Variants in NBPF19 observed in about 807,000 individuals in gnomAD.
NBPF19 encodes NBPF family member NBPF19.
NBPF19 carries 30 observed loss-of-function variants against 45.9 expected under a neutral mutation model. The observed-to-expected ratio is 0.65, with a 90% CI of 0.49 to 0.89. NBPF19 has a LOEUF of 0.89. NBPF19 is among the 40% of genes least tolerant of loss of function. The pLI is 0.00. For synonymous variants in NBPF19, 183 were observed against 181.2 expected (o/e 1.01, Z -0.08); for missense variants, 495 against 471.8 (o/e 1.05, Z -0.46).
In NBPF19 at chr1:149,554,666, C is replaced by A. The variant is rs1453506857; in HGVS notation, c.11460C>A (p.Asp3820Glu). ...EEHISFALYLDNRFFTLTVTS... is the reference protein window; with the variant it reads ...EEHISFALYLENRFFTLTVTS... ...ATATCAGCTTCGCCCTTTACTTGGACAATAGGTTTTTTACTTTGACGGTGA... is the reference window on the plus strand; with the variant it reads ...ATATCAGCTTCGCCCTTTACTTGGAAAATAGGTTTTTTACTTTGACGGTGA... The change falls in exon 94 of 94, where the codon GAC becomes GAA. Residue 3820 changes from aspartate to glutamate, a missense_variant. Transcript: ENST00000651566. The A allele has an allele frequency of 2.5e-6, 4 of 1,608,258 alleles. No homozygotes were observed. The highest frequency in any genetic ancestry group is 3.4e-6 in the Non-Finnish European group (4 of 1,176,714).
In NBPF19 at chr1:149,554,782, C is replaced by G. The variant is rs1240063958; in HGVS notation, c.*44C>G. 1.2e-6 allele frequency: 2 copies of G among 1,606,350 alleles called. No homozygotes were observed. The highest frequency in any genetic ancestry group is 2.2e-5 in the East Asian group (1 of 44,842). On this transcript the variant is annotated 3_prime_UTR_variant, in exon 94 of 94. Transcript: ENST00000651566. ...AGAGATGTCATTCCTGCAGGCAGGA[C>G]CTATAGGCACGTGAAGATTTGAATG...
intron 92 of NBPF19, 43 bp from the exon 93 acceptor site, chr1:149,553,731 G>C: frequency 7.5e-5 from 7 of 92,802 alleles, no homozygotes; most frequent in Admixed American, 2.5e-4. Flanking sequence ...TGTGTGTAGG[G>C]GAATCAGCTT....
At position 149,488,193 on chromosome 1, in the gene NBPF19, C is replaced by T; in HGVS notation, c.1213+8C>T. 3.2e-6 allele frequency: 2 copies of T among 627,746 alleles called. No homozygotes were observed. Among genetic ancestry groups the T allele is most frequent in the South Asian group, 3.6e-5 (2 of 55,162 alleles). 38.9% of individuals were successfully genotyped at this position (627,746 alleles called of 1,614,324 possible). A position where few individuals can be genotyped will look rare whatever the true frequency, so the allele number is the denominator to read the frequency against. ...TGGCTATTGACATGGATGGTGAGTA[C>T]CTTTCTATGAAGGTGATAAGGATCC... On this transcript the variant is annotated splice_region_variant and intron_variant, in intron 10 of 93. Coordinates refer to ENST00000651566, the MANE Select transcript of NBPF19 (RefSeq NM_001351365.2).
Position 149,554,609 on chromosome 1 carries a change from C to A in NBPF19, c.11403C>A (p.Tyr3801Ter). 1 of 1,608,334 alleles carries A rather than the reference C, an allele frequency of 6.2e-7. No individual in the cohort carries two copies. Among genetic ancestry groups the A allele is most frequent in the South Asian group, 1.1e-5 (1 of 90,890 alleles). ...YFELPDSFQHYRSVFYSFEEE... is the reference protein window; with the variant it reads ...YFELPDSFQH Reference sequence around the variant, plus strand: ...AACTACCTGACTCATTCCAGCACTACAGAAGTGTGTTTTACTCATTTGAGG... The same window carrying A: ...AACTACCTGACTCATTCCAGCACTAAAGAAGTGTGTTTTACTCATTTGAGG... The change falls in exon 94 of 94, where the codon TAC (tyrosine) becomes TAA (stop). Residue 3801 changes from tyrosine (Y) to a stop codon, truncating the protein, a stop_gained. Coordinates refer to ENST00000651566, the MANE Select transcript of NBPF19 (RefSeq NM_001351365.2). LOFTEE classifies it low-confidence loss of function (END_TRUNC).
In NBPF19 at chr1:149,554,925, G is replaced by C. The variant is rs1228951078; in HGVS notation, c.*187G>C. ...CTCAGTCTGAAGACAATGGACCCAC[G>C]TTAGGTGTGACACGTTCACATAACT... On this transcript the variant is annotated 3_prime_UTR_variant, in exon 94 of 94. Coordinates refer to ENST00000651566, the MANE Select transcript of NBPF19 (RefSeq NM_001351365.2). 14 of 1,040,470 alleles carry C rather than the reference G, an allele frequency of 1.3e-5. No individual in the cohort carries two copies. The highest frequency in any genetic ancestry group is 2.0e-5 in the Non-Finnish European group (14 of 711,304). The allele number at this position is 1,040,470 out of a possible 1,614,324, so 64.5% of individuals were successfully genotyped here.
chr1:149,554,485 C>T lies in NBPF19; in HGVS notation c.11289-10C>T, dbSNP rs2087191808. 4 of 1,608,028 alleles carry T rather than the reference C, an allele frequency of 2.5e-6. No individual in the cohort carries two copies. Among genetic ancestry groups the T allele is most frequent in the Non-Finnish European group, 3.4e-6 (4 of 1,176,682 alleles). On this transcript the variant is annotated splice_polypyrimidine_tract_variant and intron_variant, in intron 93 of 93. Coordinates refer to ENST00000651566, the MANE Select transcript of NBPF19 (RefSeq NM_001351365.2). Reference sequence around the variant, plus strand: ...CCTGGCTGCTTCTTTAGTTTTGTCTCCTTTTCCAGGCTCAACAGCGTGCTG... The same window carrying T: ...CCTGGCTGCTTCTTTAGTTTTGTCTTCTTTTCCAGGCTCAACAGCGTGCTG...
intron 51 of NBPF19, 126 bp from the exon 52 acceptor site, chr1:149,521,193 A>G (rs1178487846): frequency 3.8e-6 from 1 of 263,266 alleles, no homozygotes; most frequent in East Asian, 5.8e-5. Context: ...ATAATTTGTT[A>G]CCTCATTAAT....
chr1:149,526,373 G>T, intron 58 of NBPF19, 131 bp downstream of exon 58: 1 of 42,336 alleles, frequency 2.4e-5, no homozygotes, highest in Non-Finnish European at 4.9e-5. Flanking sequence ...GCACATGTAG[G>T]TTGAATGAAA....
chr1:149,478,591 G>T (rs2084988171), intron 3 of NBPF19, among the ~76,000 whole-genome samples: 1 of 151,108 alleles, frequency 6.6e-6, no homozygotes, highest in South Asian at 2.1e-4. Context: ...GTGAGGAACT[G>T]AAAGGATGTC....
intron 3 of NBPF19, among the ~76,000 whole-genome samples, chr1:149,478,357 T>C (rs1475081286): frequency 1.3e-5 from 2 of 150,946 alleles, no homozygotes; most frequent in African/African-American, 4.9e-5. Flanking sequence ...AATGGTGTGC[T>C]ATCACCACCC....
chr1:149,475,473 A>G lies in NBPF19; in HGVS notation c.-358A>G, dbSNP rs1194635688. On this transcript the variant is annotated 5_prime_UTR_variant, in exon 1 of 94. Transcript: ENST00000651566. Reference sequence around the variant, plus strand: ...GACATGGGTCTGTGGCATTGTCACAAGGGTACACGAATACTGAGAGTGAAT... The same window carrying G: ...GACATGGGTCTGTGGCATTGTCACAGGGGTACACGAATACTGAGAGTGAAT... Among the ~76,000 whole-genome samples the G allele has an allele frequency of 6.6e-6, 1 of 151,150 alleles. No individual in the cohort carries two copies. The highest frequency in any genetic ancestry group is 1.5e-5 in the Non-Finnish European group (1 of 67,672).
Position 149,554,814 on chromosome 1 carries a change from C to T in NBPF19, c.*76C>T. The T allele has an allele frequency of 1.9e-6, 3 of 1,599,456 alleles. No individual in the cohort carries two copies. The highest frequency in any genetic ancestry group is 2.6e-6 in the Non-Finnish European group (3 of 1,170,346). On this transcript the variant is annotated 3_prime_UTR_variant, in exon 94 of 94. Transcript: ENST00000651566. ...GCACGTGAAGATTTGAATGAAACTA[C>T]AGTTCCATTTGGAAGCCCAGACATA... is the stretch of plus-strand genomic sequence containing the variant.
chr1:149,488,638 A>C (rs1427401286), intron 10 of NBPF19, among the ~76,000 whole-genome samples: 6 of 40,606 alleles, frequency 1.5e-4, no homozygotes, highest in African/African-American at 5.8e-4. Flanking sequence ...GATTGGAAAA[A>C]TATGGCATAA....
At chr1:149,479,432 G>C (rs2085037972) in intron 4 of NBPF19, among the ~76,000 whole-genome samples, 1 of 150,890 alleles carries the variant, frequency 6.6e-6, no homozygotes, top group African/African-American at 2.4e-5. Context: ...TTCCCAGGCT[G>C]TATTTTTGGC....
intron 45 of NBPF19, among the ~76,000 whole-genome samples, chr1:149,516,276 T>G (rs1469139045): frequency 3.8e-5 from 3 of 78,562 alleles, no homozygotes; most frequent in Admixed American, 1.2e-4. Flanking sequence ...TTTTACTCCC[T>G]TACCAGTATG....
intron 61 of NBPF19, among the ~76,000 whole-genome samples, chr1:149,528,943 CTCTGTG>C (rs2086910155): frequency 2.1e-4 from 26 of 125,122 alleles, no homozygotes; most frequent in South Asian, 8.2e-4. Context: ...CGTTCTCTCT[CTCTGTG>C]TGTGTGTGTG....
chr1:149,554,878 A>T lies in NBPF19; in HGVS notation c.*140A>T. 1 of 1,470,718 alleles carries T rather than the reference A, an allele frequency of 6.8e-7. No homozygotes were observed. The highest frequency in any genetic ancestry group is 9.2e-7 in the Non-Finnish European group (1 of 1,081,982). 91.1% of individuals were successfully genotyped at this position (1,470,718 alleles called of 1,614,324 possible). A position where few individuals can be genotyped will look rare whatever the true frequency, so the allele number is the denominator to read the frequency against. The stretch of plus-strand genomic sequence containing the variant: ...GGCATGGCTCTTTTCCTATTCTCAA[A>T]CCATGCCAGTGGCAACCTGTGCTCA... On this transcript the variant is annotated 3_prime_UTR_variant, in exon 94 of 94. Coordinates refer to ENST00000651566, the MANE Select transcript of NBPF19 (RefSeq NM_001351365.2).
chr1:149,476,934 AAAAC>A (rs1346750747), intron 2 of NBPF19, among the ~76,000 whole-genome samples: 5 of 150,812 alleles, frequency 3.3e-5, no homozygotes, highest in East Asian at 3.9e-4. Flanking sequence ...GACTCGTCAA[AAAAC>A]AAACAAACAA....
At chr1:149,489,051 A>C (rs2101622370) in intron 11 of NBPF19, 95 bp downstream of exon 11, 1 of 9,328 alleles carries the variant, frequency 1.1e-4, no homozygotes, top group East Asian at 4.3e-3. Flanking sequence ...TCATGTTTTC[A>C]ACGAAGGTTG....
Sources: allele counts gnomAD v4.1 joint callset (sites outside exome capture counted in the v4.1 genomes callset), GRCh38; gene constraint gnomAD v4.1.1; transcripts MANE v1.5; gene names NCBI Gene and HGNC (gene_info 2026-07-23, HGNC 2026-07-21).